CSMD3: variants seen among roughly 807,000 people sequenced by gnomAD.
CSMD3 encodes the protein CUB and Sushi multiple domains 3.
CSMD3 carries 177 observed loss-of-function variants against 435.2 expected under a neutral mutation model. That is an observed-to-expected ratio of 0.41 (90% CI 0.36 to 0.46). The LOEUF (loss-of-function observed/expected upper bound fraction) is 0.46. CSMD3 is among the 20% of genes least tolerant of loss of function. CSMD3 has a pLI of 0.34. For missense variants in CSMD3, 4,265 were observed against 4,504.6 expected (o/e 0.95, Z 1.52); for synonymous variants, 1,656 against 1,520.5 (o/e 1.09, Z -2.07).
intron 32 of CSMD3, among the ~76,000 whole-genome samples, chr8:112,413,602 TGTGGAAACA>T (rs1307668719): frequency 6.6e-6 from 1 of 152,168 alleles, no homozygotes; most frequent in African/African-American, 2.4e-5. Flanking sequence ...AAAGCATCAC[TGTGGAAACA>T]GTATAGTGGG....
chr8:113,297,724 G>C (rs982213127), intron 2 of CSMD3, among the ~76,000 whole-genome samples: 5 of 151,810 alleles, frequency 3.3e-5, no homozygotes, highest in Non-Finnish European at 7.4e-5. Flanking sequence ...AACACCAAGA[G>C]CTGGTCATAT....
chr8:113,136,804 C>G (rs759558850), intron 4 of CSMD3, among the ~76,000 whole-genome samples: 46 of 151,580 alleles, frequency 3.0e-4, no homozygotes, highest in South Asian at 1.0e-3. Flanking sequence ...GGAGAATGTT[C>G]ATAGATAGTG....
chr8:112,659,934 T>A (rs2075341160), intron 17 of CSMD3, among the ~76,000 whole-genome samples: 1 of 152,118 alleles, frequency 6.6e-6, no homozygotes, highest in South Asian at 2.1e-4. Context: ...TTTTCTCCAT[T>A]TGAGAATATA....
chr8:112,984,189 T>A (rs1025790436), intron 6 of CSMD3, among the ~76,000 whole-genome samples: 5 of 151,864 alleles, frequency 3.3e-5, no homozygotes, highest in Non-Finnish European at 7.4e-5. Flanking sequence ...AATTATATAT[T>A]TGGATATTTA....
At chr8:113,179,883 A>G (rs2092399865) in intron 3 of CSMD3, among the ~76,000 whole-genome samples, 1 of 151,824 alleles carries the variant, frequency 6.6e-6, no homozygotes. Flanking sequence ...TAAAAAAAAT[A>G]CCCAATTTGT....
chr8:112,719,558 G>T (rs377030469), intron 13 of CSMD3, among the ~76,000 whole-genome samples: 29 of 152,218 alleles, frequency 1.9e-4, no homozygotes, highest in African/African-American at 7.0e-4. Flanking sequence ...GAGAGAGACA[G>T]ACGGAGATTT....
chr8:112,666,692 A>G (rs1207837929), intron 16 of CSMD3, among the ~76,000 whole-genome samples: 1 of 152,154 alleles, frequency 6.6e-6, no homozygotes, highest in Non-Finnish European at 1.5e-5. Context: ...CCTTACATAT[A>G]TTCTTGTCTC....
intron 5 of CSMD3, among the ~76,000 whole-genome samples, chr8:113,092,486 G>A (rs530565358): frequency 6.6e-6 from 1 of 152,096 alleles, no homozygotes; most frequent in South Asian, 2.1e-4. Flanking sequence ...GCTAGAATAA[G>A]GATTGCTTTC....
chr8:112,871,456 A>C (rs901906577), intron 10 of CSMD3, among the ~76,000 whole-genome samples: 1 of 152,158 alleles, frequency 6.6e-6, no homozygotes, highest in Admixed American at 6.6e-5. Context: ...GCTGTAAAAA[A>C]CGGTTAAAAC....
intron 22 of CSMD3, among the ~76,000 whole-genome samples, chr8:112,636,329 C>T (rs2074656340): frequency 6.6e-6 from 1 of 152,004 alleles, no homozygotes; most frequent in African/African-American, 2.4e-5. Flanking sequence ...GTTACCTATT[C>T]TTCATTTGGC....
chr8:112,849,010 A>C (rs2080406983), intron 11 of CSMD3, among the ~76,000 whole-genome samples: 1 of 152,136 alleles, frequency 6.6e-6, no homozygotes, highest in Non-Finnish European at 1.5e-5. Context: ...GTTTTAAAAT[A>C]CAAAAACAAA....
intron 69 of CSMD3, among the ~76,000 whole-genome samples, chr8:112,229,138 C>G (rs1812847043): frequency 6.6e-6 from 1 of 152,018 alleles, no homozygotes; most frequent in African/African-American, 2.4e-5. Flanking sequence ...GGAGTTTATA[C>G]AATAGTGGGA....
At chr8:113,359,194 C>A (rs962324388) in intron 1 of CSMD3, among the ~76,000 whole-genome samples, 1 of 152,126 alleles carries the variant, frequency 6.6e-6, no homozygotes, top group Non-Finnish European at 1.5e-5. Context: ...CGAAGCAAAT[C>A]AAATGTTCCA....
At chr8:113,264,809 C>T (rs2093455263) in intron 3 of CSMD3, among the ~76,000 whole-genome samples, 1 of 151,516 alleles carries the variant, frequency 6.6e-6, no homozygotes, top group Admixed American at 6.6e-5. Context: ...AAATATAGCT[C>T]ATGTCTGCCT....
At chr8:112,781,610 A>C (rs956611556) in intron 13 of CSMD3, among the ~76,000 whole-genome samples, 1 of 152,238 alleles carries the variant, frequency 6.6e-6, no homozygotes, top group Middle Eastern at 3.4e-3. Flanking sequence ...TAGTTGCCAC[A>C]GGCCTTCGGA....
intron 11 of CSMD3, among the ~76,000 whole-genome samples, chr8:112,854,965 A>G (rs371042127): frequency 9.2e-5 from 14 of 152,294 alleles, no homozygotes; most frequent in African/African-American, 3.1e-4. Flanking sequence ...GTGGCTATTG[A>G]GCACTAAAAA....
At chr8:113,012,306 T>C (rs929687997) in intron 6 of CSMD3, among the ~76,000 whole-genome samples, 2 of 151,684 alleles carry the variant, frequency 1.3e-5, no homozygotes, top group Admixed American at 6.6e-5. Context: ...ACTATGAAAA[T>C]ATATATATAT....
At chr8:112,227,635 C>T (rs1331531158) in intron 70 of CSMD3, among the ~76,000 whole-genome samples, 1 of 152,136 alleles carries the variant, frequency 6.6e-6, no homozygotes. Flanking sequence ...GATGATTATT[C>T]TTTATCTATT....
intron 27 of CSMD3, among the ~76,000 whole-genome samples, chr8:112,517,836 A>G (rs749887480): frequency 1.1e-4 from 16 of 152,134 alleles, no homozygotes; most frequent in Non-Finnish European, 2.1e-4. Flanking sequence ...TGGTAAAACC[A>G]CTCTGGAAAG....
Sources: gnomAD v4.1 joint callset for allele counts (sites outside exome capture counted in the v4.1 genomes callset) on GRCh38, gnomAD v4.1.1 for gene constraint, MANE v1.5 for transcripts, NCBI Gene and HGNC (gene_info 2026-07-23, HGNC 2026-07-21) for gene names.